The following MMP26 variants were observed in gnomAD, a reference collection of about 807,000 sequenced individuals.
The protein encoded by MMP26 is matrix metalloproteinase-26.
Under a neutral mutation model 31.0 loss-of-function variants are expected in MMP26, and 33 were observed. That is an observed-to-expected ratio of 1.06 (90% confidence interval 0.81 to 1.42). MMP26 has a LOEUF of 1.42. Among genes scored for constraint, MMP26 ranks in the 40% most tolerant of loss-of-function variants. MMP26 has a pLI of 0.00. For missense variants in MMP26, 347 were observed against 316.1 expected (o/e 1.10, Z -0.74); for synonymous variants, 122 against 114.9 (o/e 1.06, Z -0.40).
intron 2 of MMP26, among the ~76,000 whole-genome samples, chr11:4,986,852 T>C (rs995614639): frequency 3.5e-5 from 5 of 142,950 alleles, no homozygotes; most frequent in African/African-American, 1.3e-4. Context: ...AGCTTTTAAG[T>C]AGCAGAGTTA....
intron 1 of MMP26, among the ~76,000 whole-genome samples, chr11:4,735,114 G>A (rs57848177): frequency 0.16 from 24,697 of 152,216 alleles, 2,226 homozygotes; most frequent in South Asian, 0.21. Flanking sequence ...TCTTGGCTAC[G>A]CCTACTTGGA....
At chr11:4,764,597 G>T (rs1407902960) in intron 1 of MMP26, among the ~76,000 whole-genome samples, 4 of 152,196 alleles carry the variant, frequency 2.6e-5, no homozygotes, top group Non-Finnish European at 5.9e-5. Context: ...TGGGCAGGGC[G>T]CAGTGGTTCA....
At chr11:4,823,901 A>G (rs1312371876) in intron 2 of MMP26, among the ~76,000 whole-genome samples, 1 of 152,158 alleles carries the variant, frequency 6.6e-6, no homozygotes, top group African/African-American at 2.4e-5. Flanking sequence ...ACTCTCAATA[A>G]TCTTATAAGT....
chr11:4,893,417 C>T (rs185215346), intron 2 of MMP26, among the ~76,000 whole-genome samples: 6 of 152,246 alleles, frequency 3.9e-5, no homozygotes, highest in African/African-American at 1.4e-4. Context: ...AGCAGCCTCT[C>T]AAACATTCCA....
chr11:4,755,177 G>A (rs923086453), intron 1 of MMP26, among the ~76,000 whole-genome samples: 2 of 151,572 alleles, frequency 1.3e-5, no homozygotes, highest in African/African-American at 2.4e-5. Flanking sequence ...GATTTTAATC[G>A]GCACTATCTG....
intron 2 of MMP26, among the ~76,000 whole-genome samples, chr11:4,841,663 C>T (rs1471861677): frequency 2.0e-5 from 3 of 152,128 alleles, no homozygotes; most frequent in Non-Finnish European, 2.9e-5. Context: ...CCGAGCATGG[C>T]GGCTCACATC....
chr11:4,961,076 A>G (rs967753086), intron 2 of MMP26, among the ~76,000 whole-genome samples: 1 of 152,184 alleles, frequency 6.6e-6, no homozygotes, highest in Non-Finnish European at 1.5e-5. Flanking sequence ...AAATAGTGTG[A>G]TGAGTCATCA....
At chr11:4,974,381 T>C (rs1030145476) in intron 2 of MMP26, among the ~76,000 whole-genome samples, 3 of 151,998 alleles carry the variant, frequency 2.0e-5, no homozygotes, top group Admixed American at 6.6e-5. Context: ...AAAAAAAATA[T>C]ATGTATATAG....
intron 2 of MMP26, chr11:4,859,662 T>G (rs11034368): frequency 4.3e-6 from 2 of 464,068 alleles, no homozygotes; most frequent in African/African-American, 2.0e-5. Context: ...TTCTTCAAAT[T>G]TGCTTGGTCT....
rs1473328831 is a variant in MMP26 at position 4,787,849 on chromosome 11, AT to A, written c.-145+20511del. On this transcript the variant is annotated intron_variant, in intron 2 of 7. Transcript: ENST00000380390. ...AGCACCCACTATCTTCAAGTTCTGC[AT>A]TTGTCTCCTTTAAGTACATGCTTTC... is the stretch of plus-strand genomic sequence containing the variant. 4.6e-5 allele frequency: 7 copies of A among 152,304 alleles called. No individual in the cohort carries two copies. In the South Asian group the frequency reaches 1.4e-3, roughly 32 times the overall value. 9.4% of individuals were successfully genotyped at this position (152,304 alleles called of 1,614,324 possible). A position where few individuals can be genotyped will look rare whatever the true frequency, so the allele number is the denominator to read the frequency against.
chr11:4,943,311 CT>C (rs1846243929), intron 2 of MMP26: 2 of 313,452 alleles, frequency 6.4e-6, no homozygotes, highest in Non-Finnish European at 6.3e-6. Context: ...ATTAATAAGT[CT>C]TTTAACATCT....
chr11:4,800,554 C>T (rs1455630417), intron 2 of MMP26, among the ~76,000 whole-genome samples: 1 of 152,154 alleles, frequency 6.6e-6, no homozygotes, highest in African/African-American at 2.4e-5. Context: ...CCTTCAAGAC[C>T]TTTTTTCCCA....
intron 2 of MMP26, chr11:4,848,348 A>G (rs1849906005): frequency 6.2e-7 from 1 of 1,614,160 alleles, no homozygotes; most frequent in Non-Finnish European, 8.5e-7. Context: ...GAAGAAGGAA[A>G]TGGACATAGG....
At chr11:4,923,778 T>C in intron 2 of MMP26, 1 of 1,614,030 alleles carries the variant, frequency 6.2e-7, no homozygotes, top group African/African-American at 1.3e-5. Flanking sequence ...CAGGCCAGCT[T>C]CATGATCTCC....
At chr11:4,914,776 G>A (rs949253416) in intron 2 of MMP26, 1 of 1,613,962 alleles carries the variant, frequency 6.2e-7, no homozygotes, top group African/African-American at 1.3e-5. Flanking sequence ...TCACACTGTA[G>A]ACAATGGGAT....
intron 2 of MMP26, chr11:4,859,693 T>C: frequency 4.2e-6 from 2 of 470,938 alleles, no homozygotes; most frequent in South Asian, 3.1e-5. Context: ...GACAATGGGG[T>C]TTAGCACAGG....
intron 2 of MMP26, among the ~76,000 whole-genome samples, chr11:4,978,225 G>T (rs576792352): frequency 6.6e-6 from 1 of 152,126 alleles, no homozygotes; most frequent in East Asian, 1.9e-4. Context: ...AAATTAATCA[G>T]TCCCAGGTAT....
intron 2 of MMP26, among the ~76,000 whole-genome samples, chr11:4,814,961 G>C: frequency 6.6e-6 from 1 of 152,168 alleles, no homozygotes; most frequent in African/African-American, 2.4e-5. Flanking sequence ...CAGAGTCAGG[G>C]TACAGCTTGC....
intron 2 of MMP26, among the ~76,000 whole-genome samples, chr11:4,964,345 C>T (rs1318950962): frequency 6.6e-6 from 1 of 152,000 alleles, no homozygotes; most frequent in African/African-American, 2.4e-5. Flanking sequence ...GCCAGTTTTC[C>T]TAGCACCATT....
Sources: gnomAD v4.1 joint callset for allele counts (sites outside exome capture counted in the v4.1 genomes callset) on GRCh38, gnomAD v4.1.1 for gene constraint, MANE v1.5 for transcripts, NCBI Gene and HGNC (gene_info 2026-07-23, HGNC 2026-07-21) for gene names.